The following VPS26C variants were observed in gnomAD, a reference collection of about 807,000 sequenced individuals.
VPS26C encodes the protein vacuolar protein sorting-associated protein 26C.
In VPS26C, 19 loss-of-function variants were observed where a neutral mutation model predicts 30.6. The ratio of observed to expected loss-of-function variants is 0.62; its 90% CI spans 0.43 to 0.91. The LOEUF (loss-of-function observed/expected upper bound fraction) is 0.91. Among genes scored for constraint, VPS26C ranks in the 40% least tolerant of loss-of-function variants. The pLI is 0.00. For missense variants in VPS26C, 318 were observed against 385.1 expected, an observed-to-expected ratio of 0.83 and a Z score of 1.46; for synonymous variants, 132 against 151.5, an observed-to-expected ratio of 0.87 and a Z score of 0.95.
chr21:37,243,339 C>A (rs1370074776), intron 1 of VPS26C, among the ~76,000 whole-genome samples: 1 of 152,006 alleles, frequency 6.6e-6, no homozygotes, highest in Admixed American at 6.6e-5. Context: ...AACGTATACA[C>A]CGAAATCGTG....
At chr21:37,249,960 G>C (rs1297179888) in intron 1 of VPS26C, among the ~76,000 whole-genome samples, 1 of 152,102 alleles carries the variant, frequency 6.6e-6, no homozygotes, top group East Asian at 1.9e-4. Context: ...GGAAGAGAGG[G>C]AATATTCAAT....
intron 1 of VPS26C, among the ~76,000 whole-genome samples, chr21:37,253,703 C>G (rs115347909): frequency 0.01 from 1,555 of 152,262 alleles, 23 homozygotes; most frequent in African/African-American, 0.035. Context: ...TAGAGACTAC[C>G]TGATTTCAGA....
intron 5 of VPS26C, chr21:37,231,504 G>C (rs1569231959): frequency 6.6e-6 from 1 of 152,246 alleles, no homozygotes; most frequent in African/African-American, 2.4e-5. Context: ...TGTCTGAAAG[G>C]CTCCCCACGA....
chr21:37,232,230 A>G (rs2085972076), intron 5 of VPS26C, 147 bp downstream of exon 5: 1 of 693,446 alleles, frequency 1.4e-6, no homozygotes, highest in Non-Finnish European at 2.5e-6. Flanking sequence ...AATCAAATGG[A>G]AAATACTGAG....
At position 37,233,795 on chromosome 21, in the gene VPS26C, CGTT is replaced by C. The variant is rs2085991920; in HGVS notation, c.352-356_352-354del. ...CAGGAGCAGACGCCAGGCCAGATCC[CGTT>C]GTTGTCTGCCTTACTGTGCGAGCCC... On this transcript the variant is annotated intron_variant, in intron 3 of 7. Transcript: ENST00000309117. This position sits in a 1 kb window ranked among gnomAD's most constrained non-coding sequence, Gnocchi z 5.2. Among the ~76,000 whole-genome samples the C allele has an allele frequency of 6.6e-6, 1 of 152,138 alleles. No homozygotes were observed. The highest frequency in any genetic ancestry group is 1.5e-5 in the Non-Finnish European group (1 of 68,024).
chr21:37,235,637 G>A (rs2086012217), intron 3 of VPS26C, among the ~76,000 whole-genome samples: 1 of 151,874 alleles, frequency 6.6e-6, no homozygotes, highest in South Asian at 2.1e-4. Flanking sequence ...TTAAATTATT[G>A]TAAAAAGAAG....
intron 1 of VPS26C, among the ~76,000 whole-genome samples, chr21:37,255,882 C>T (rs1196627833): frequency 2.6e-5 from 2 of 76,312 alleles, no homozygotes; most frequent in Non-Finnish European, 4.3e-5. Context: ...TAGATAGAGG[C>T]TGGAGTGCAG....
At position 37,233,864 on chromosome 21, in the gene VPS26C, T is replaced by G. The variant is rs2085992597; in HGVS notation, c.352-422A>C. 6.6e-6 allele frequency among the ~76,000 whole-genome samples: 1 copy of G among 152,190 alleles called. No individual in the cohort carries two copies. The highest frequency in any genetic ancestry group is 2.1e-4 in the South Asian group (1 of 4,830). ...CTTGTCTGAGCTTCTGCTTCCCTTC[T>G]GTAGAATGGGGCTCTTAAGACCCAC... On this transcript the variant is annotated intron_variant, in intron 3 of 7. Transcript: ENST00000309117. The surrounding 1 kb of genome is among the most constrained non-coding windows in gnomAD (Gnocchi z 5.2).
chr21:37,248,807 C>T (rs907539783), intron 1 of VPS26C, among the ~76,000 whole-genome samples: 4 of 150,324 alleles, frequency 2.7e-5, no homozygotes, highest in Admixed American at 2.0e-4. Flanking sequence ...AGAGAGAAAA[C>T]TAGATTATTC....
intron 1 of VPS26C, among the ~76,000 whole-genome samples, chr21:37,260,679 A>C (rs767662288): frequency 6.6e-6 from 1 of 152,176 alleles, no homozygotes; most frequent in Admixed American, 6.5e-5. Context: ...ACCTTGGACA[A>C]TTTTCTATTA....
intron 5 of VPS26C, among the ~76,000 whole-genome samples, chr21:37,230,073 C>T (rs2085945718): frequency 6.6e-6 from 1 of 152,124 alleles, no homozygotes; most frequent in South Asian, 2.1e-4. Flanking sequence ...TTCTATGTTG[C>T]CCACGCTGGT....
At chr21:37,225,685 G>T in intron 7 of VPS26C, 59 bp from the exon 8 acceptor site, 1 of 1,424,372 alleles carries the variant, frequency 7.0e-7, no homozygotes, top group Non-Finnish European at 9.9e-7. Flanking sequence ...GAAACCACAC[G>T]CCGCCACCAC....
intron 1 of VPS26C, among the ~76,000 whole-genome samples, chr21:37,244,135 G>C (rs1435879922): frequency 1.3e-5 from 2 of 152,236 alleles, no homozygotes; most frequent in Non-Finnish European, 2.9e-5. Flanking sequence ...GAGCCGCCTG[G>C]AAACAAGCAT....
intron 1 of VPS26C, among the ~76,000 whole-genome samples, chr21:37,256,857 A>G (rs1357108218): frequency 6.6e-6 from 1 of 152,224 alleles, no homozygotes; most frequent in Non-Finnish European, 1.5e-5. Context: ...CCATTTTATA[A>G]TTTAAAAATG....
At position 37,257,284 on chromosome 21, in the gene VPS26C, T is replaced by C. The variant is rs1266824500; in HGVS notation, c.57+9954A>G. ...TCAGGATCTGAGGTCAACTGACCTC[T>C]CCCTGCGCTCTGGACAGGCAAACAG... is the stretch of plus-strand genomic sequence containing the variant. On this transcript the variant is annotated intron_variant, in intron 1 of 7. Transcript: ENST00000309117. The surrounding 1 kb of genome is among the most constrained non-coding windows in gnomAD (Gnocchi z 4.2). 1.3e-5 allele frequency among the ~76,000 whole-genome samples: 2 copies of C among 152,230 alleles called. No individual in the cohort carries two copies. The highest frequency in any genetic ancestry group is 3.8e-4 in the East Asian group (2 of 5,204).
chr21:37,241,543 CG>C (rs2086087624), intron 1 of VPS26C, among the ~76,000 whole-genome samples: 1 of 152,094 alleles, frequency 6.6e-6, no homozygotes, highest in Non-Finnish European at 1.5e-5. Context: ...TCAGGCTGGG[CG>C]TGGTGGCTCA....
chr21:37,260,419 G>A (rs900579898), intron 1 of VPS26C, among the ~76,000 whole-genome samples: 1 of 152,204 alleles, frequency 6.6e-6, no homozygotes, highest in Non-Finnish European at 1.5e-5. Context: ...GGTGGCTCAT[G>A]CCTGTAATCC....
In VPS26C at chr21:37,235,387, G is replaced by A. The variant is rs369149983; in HGVS notation, c.352-1945C>T. Among the ~76,000 whole-genome samples the A allele has an allele frequency of 1.5e-4, 23 of 152,236 alleles. No homozygotes were observed. The East Asian group carries it at 3.1e-3, about 20-fold the overall frequency. On this transcript the variant is annotated intron_variant, in intron 3 of 7. Transcript: ENST00000309117. ...GACCTTAGGTGATCTGCCCACCTCC[G>A]CCTCCCAAACTGCTGGGATTACAGG...
chr21:37,228,423 G>C (rs775352069), intron 5 of VPS26C, 50 bp from the exon 6 acceptor site: 1 of 1,600,474 alleles, frequency 6.2e-7, no homozygotes, highest in Non-Finnish European at 8.5e-7. Context: ...AGGGGGGAAA[G>C]TGCTCCATAC....
Sources: gnomAD v4.1 joint callset for allele counts (sites outside exome capture counted in the v4.1 genomes callset) on GRCh38, gnomAD v4.1.1 for gene constraint, Gnocchi (gnomAD v3.1) non-coding constraint, MANE v1.5 for transcripts, NCBI Gene and HGNC (gene_info 2026-07-23, HGNC 2026-07-21) for gene names.